Variants in DPP9 observed in about 807,000 individuals in gnomAD.
The protein encoded by DPP9 is dipeptidyl peptidase IV-related protein-2.
In DPP9, 50 loss-of-function variants were observed where a neutral mutation model predicts 110.7. The ratio of observed to expected loss-of-function variants is 0.45; its 90% CI spans 0.36 to 0.57. DPP9 has a LOEUF of 0.57. DPP9 is among the 20% of genes least tolerant of loss of function. The pLI is 0.00. For synonymous variants in DPP9, 561 were observed against 514.4 expected (o/e 1.09, Z -1.23); for missense variants, 1,022 against 1,217.9 (o/e 0.84, Z 2.39).
At position 4,679,925 on chromosome 19, in the gene DPP9, G is replaced by A. The variant is rs1332687785; in HGVS notation, c.2496C>T (p.Leu832=). 4 of 1,612,978 alleles carry A rather than the reference G, an allele frequency of 2.5e-6. No homozygotes were observed. The highest frequency in any genetic ancestry group is 3.4e-6 in the Non-Finnish European group (4 of 1,179,672). ...GCACGTTTTCGTCCAGGAAGCCGTG[G>A]AGGATAAGCAAGCGGTTGGGCCTGG... ...LPNEPNRLLI[L]HGFLDENVHF... The change falls in exon 21 of 22, where the codon CTC becomes CTT. Residue 832 remains leucine (L), a synonymous_variant. Coordinates refer to ENST00000262960, the MANE Select transcript of DPP9 (RefSeq NM_139159.5).
rs372150175 is a variant in DPP9 at position 4,689,561 on chromosome 19, C to G, written c.1749+9G>C. 6.4e-7 allele frequency: 1 copy of G among 1,552,414 alleles called. No homozygotes were observed. Among genetic ancestry groups the G allele is most frequent in the Non-Finnish European group, 8.7e-7 (1 of 1,152,300 alleles). ...CACAGGGCGGTGCCGTGAGGCTGGG[C>G]GGTCCCACCTGGCTCATGGAGCAGC... On this transcript the variant is annotated intron_variant, in intron 15 of 21. Transcript: ENST00000262960. This position sits in a 1 kb window ranked among gnomAD's most constrained non-coding sequence, Gnocchi z 7.0.
At position 4,683,126 on chromosome 19, in the gene DPP9, C is replaced by A. The variant is rs1336702371; in HGVS notation, c.2332-288G>T. ...CTCCTCCTCCTCCTCATCGCCGCCG[C>A]CCCGCAGTGCCCTGACTGCCGCCGG... is the stretch of plus-strand genomic sequence containing the variant. On this transcript the variant is annotated intron_variant, in intron 19 of 21. Coordinates refer to ENST00000262960, the MANE Select transcript of DPP9 (RefSeq NM_139159.5). 5 of 1,469,900 alleles carry A rather than the reference C, an allele frequency of 3.4e-6. No homozygotes were observed. The African/African-American group carries it at 7.1e-5, about 21-fold the overall frequency. The allele number at this position is 1,469,900 out of a possible 1,614,324, so 91.1% of individuals were successfully genotyped here.
intron 7 of DPP9, 101 bp from the exon 8 acceptor site, chr19:4,702,817 G>C: frequency 4.0e-6 from 1 of 249,356 alleles, no homozygotes; most frequent in Non-Finnish European, 7.5e-6. Context: ...GGAGAGAGAA[G>C]GAGGGAAGGA....
intron 2 of DPP9, 107 bp downstream of exon 2, chr19:4,722,392 G>A (rs2093361833): frequency 3.1e-6 from 2 of 643,174 alleles, no homozygotes; most frequent in African/African-American, 1.8e-5. Flanking sequence ...ACCATCCAGG[G>A]CCATAGAAAA....
intron 16 of DPP9, 41 bp downstream of exon 16, chr19:4,688,716 G>A: frequency 1.4e-6 from 2 of 1,386,166 alleles, no homozygotes; most frequent in Non-Finnish European, 1.9e-6. Flanking sequence ...TTACAGCCGG[G>A]CGGGCGGAGG....
chr19:4,702,571 C>CTCCT, intron 8 of DPP9, 32 bp downstream of exon 8: 1 of 1,522,318 alleles, frequency 6.6e-7, no homozygotes, highest in Non-Finnish European at 8.9e-7. Context: ...AAAGCACGCC[C>CTCCT]GGGAGCATGT....
At chr19:4,706,245 C>G (rs2092577162) in intron 4 of DPP9, among the ~76,000 whole-genome samples, 1 of 151,244 alleles carries the variant, frequency 6.6e-6, no homozygotes, top group Admixed American at 6.6e-5. Context: ...GTTTGTAATC[C>G]CAGCACTTTG....
chr19:4,703,558 C>T (rs1413514540), intron 7 of DPP9, among the ~76,000 whole-genome samples: 2 of 151,634 alleles, frequency 1.3e-5, no homozygotes, highest in Non-Finnish European at 2.9e-5. Flanking sequence ...ATCACTTGAA[C>T]CCAAGAGGCG....
In DPP9 at chr19:4,693,559, C is replaced by T. The variant is rs1236871890; in HGVS notation, c.1516+1102G>A. On this transcript the variant is annotated intron_variant, in intron 13 of 21. Coordinates refer to ENST00000262960, the MANE Select transcript of DPP9 (RefSeq NM_139159.5). This position sits in a 1 kb window ranked among gnomAD's most constrained non-coding sequence, Gnocchi z 5.0. Reference sequence around the variant, plus strand: ...CATGCCGCCTCCCTCCTCTCTGATCCCCCACCCTTTCCACTGCAAACGGTG... The same window carrying T: ...CATGCCGCCTCCCTCCTCTCTGATCTCCCACCCTTTCCACTGCAAACGGTG... Among the ~76,000 whole-genome samples, 1 of 152,140 alleles carries T rather than the reference C, an allele frequency of 6.6e-6. No individual in the cohort carries two copies. The highest frequency in any genetic ancestry group is 2.4e-5 in the African/African-American group (1 of 41,434).
At position 4,714,018 on chromosome 19, in the gene DPP9, G is replaced by A. The variant is rs923478008; in HGVS notation, c.313+63C>T. ...TCCTGTGGACCTCTGGGAACAGAGA[G>A]GACCAGGGAACTGTGGTCCCAGATG... On this transcript the variant is annotated intron_variant, in intron 4 of 21. Coordinates refer to ENST00000262960, the MANE Select transcript of DPP9 (RefSeq NM_139159.5). 2.9e-5 allele frequency: 44 copies of A among 1,525,112 alleles called. No individual in the cohort carries two copies. The South Asian group carries it at 5.3e-4, about 18-fold the overall frequency. 94.5% of individuals were successfully genotyped at this position (1,525,112 alleles called of 1,614,324 possible). A position where few individuals can be genotyped will look rare whatever the true frequency, so the allele number is the denominator to read the frequency against.
At chr19:4,717,419 G>A (rs1023797078) in intron 3 of DPP9, among the ~76,000 whole-genome samples, 2 of 152,124 alleles carry the variant, frequency 1.3e-5, no homozygotes, top group African/African-American at 2.4e-5. Flanking sequence ...AACTGAGCCC[G>A]GGGAGCTCCT....
Position 4,702,168 on chromosome 19 carries a change from G to A in DPP9, c.884-13C>T. 2 of 1,603,480 alleles carry A rather than the reference G, an allele frequency of 1.2e-6. No homozygotes were observed. The highest frequency in any genetic ancestry group is 1.7e-6 in the Non-Finnish European group (2 of 1,173,350). On this transcript the variant is annotated splice_polypyrimidine_tract_variant and intron_variant, in intron 8 of 21. Coordinates refer to ENST00000262960, the MANE Select transcript of DPP9 (RefSeq NM_139159.5). ...AGGCCCTCTGAACCTTGGGTGGGGT[G>A]GTGGAAAAACTGCTGAGGGTGCCAG...
In DPP9 at chr19:4,694,159, T is replaced by C. The variant is rs2091576850; in HGVS notation, c.1516+502A>G. 6.6e-6 allele frequency among the ~76,000 whole-genome samples: 1 copy of C among 152,218 alleles called. No homozygotes were observed. Among genetic ancestry groups the C allele is most frequent in the South Asian group, 2.1e-4 (1 of 4,834 alleles). Reference sequence around the variant, plus strand: ...AAGAGCAGGGATTTTCCTTTTTCTTTATTTACAGTGAACAATTCCATCACA... The same window carrying C: ...AAGAGCAGGGATTTTCCTTTTTCTTCATTTACAGTGAACAATTCCATCACA... On this transcript the variant is annotated intron_variant, in intron 13 of 21. Coordinates refer to ENST00000262960, the MANE Select transcript of DPP9 (RefSeq NM_139159.5). This position sits in a 1 kb window ranked among gnomAD's most constrained non-coding sequence, Gnocchi z 4.0.
intron 4 of DPP9, among the ~76,000 whole-genome samples, chr19:4,708,869 C>T (rs1420155319): frequency 6.6e-6 from 1 of 152,158 alleles, no homozygotes; most frequent in Non-Finnish European, 1.5e-5. Flanking sequence ...AACAAACCCC[C>T]GTGACACAAG....
chr19:4,702,836 G>A (rs78886220), intron 7 of DPP9, 120 bp from the exon 8 acceptor site: 3,320 of 198,732 alleles, frequency 0.017, 251 homozygotes, highest in African/African-American at 0.095. Context: ...GAAAGGGAAG[G>A]AGAGGGGGAG....
chr19:4,694,835 G>T lies in DPP9; in HGVS notation c.1354-12C>A. 6.2e-7 allele frequency: 1 copy of T among 1,613,278 alleles called. No individual in the cohort carries two copies. The highest frequency in any genetic ancestry group is 1.1e-5 in the South Asian group (1 of 91,010). On this transcript the variant is annotated splice_polypyrimidine_tract_variant and intron_variant, in intron 12 of 21. Coordinates refer to ENST00000262960, the MANE Select transcript of DPP9 (RefSeq NM_139159.5). This position sits in a 1 kb window ranked among gnomAD's most constrained non-coding sequence, Gnocchi z 4.0. ...AAGATGTCATGAACCTGTCCGGAAA[G>T]CAGATAGAAGATGCGTCAGAAGGTG...
intron 1 of DPP9, 29 bp from the exon 2 acceptor site, chr19:4,722,580 G>A: frequency 1.4e-6 from 1 of 702,844 alleles, no homozygotes; most frequent in Non-Finnish European, 2.6e-6. Flanking sequence ...TCATGAATGT[G>A]GCAGGTTAAT....
rs770942401 is a variant in DPP9 at position 4,714,301 on chromosome 19, G to A, written c.93C>T (p.Ala31=). ...SLNSEGAERM[A]TTGTPTADRG... Reference sequence around the variant, plus strand: ...GGTCGGCCGTTGGGGTCCCGGTGGTGGCCATCCTCTCAGCCCCCTCGGAAT... The same window carrying A: ...GGTCGGCCGTTGGGGTCCCGGTGGTAGCCATCCTCTCAGCCCCCTCGGAAT... The change falls in exon 4 of 22, where the codon GCC becomes GCT. Residue 31 remains alanine, a synonymous_variant. Coordinates refer to ENST00000262960, the MANE Select transcript of DPP9 (RefSeq NM_139159.5). The A allele has an allele frequency of 1.3e-6, 2 of 1,537,828 alleles. No homozygotes were observed. Among genetic ancestry groups the A allele is most frequent in the Non-Finnish European group, 1.7e-6 (2 of 1,145,458 alleles).
chr19:4,711,422 G>A (rs1432732086), intron 4 of DPP9, among the ~76,000 whole-genome samples: 2 of 152,098 alleles, frequency 1.3e-5, no homozygotes, highest in East Asian at 1.9e-4. Flanking sequence ...AGGCTCTTGA[G>A]CTGAGGAGAT....
Sources: allele counts gnomAD v4.1 joint callset (sites outside exome capture counted in the v4.1 genomes callset), GRCh38; gene constraint gnomAD v4.1.1; non-coding constraint Gnocchi (gnomAD v3.1); transcripts MANE v1.5; gene names NCBI Gene and HGNC (gene_info 2026-07-23, HGNC 2026-07-21).